Variants in DOP1A observed in about 807,000 individuals in gnomAD.
DOP1A encodes DOP1 leucine zipper like protein A, also known as protein DOP1A.
A neutral mutation model predicts 267.6 loss-of-function variants in DOP1A; 90 were observed. The ratio of observed to expected loss-of-function variants is 0.34; its 90% CI spans 0.28 to 0.40. DOP1A has a LOEUF of 0.40. Ranked by LOEUF, DOP1A falls within the 10% of genes least tolerant of loss-of-function variation. The probability of loss-of-function intolerance (pLI) is 1.00; values close to 1 mark genes in which losing one functional copy is unlikely to be tolerated. For synonymous variants in DOP1A, 932 were observed against 999.1 expected (o/e 0.93, Z 1.27); for missense variants, 2,437 against 2,900.4 (o/e 0.84, Z 3.67).
At chr6:83,089,916 A>T (rs1770023968) in intron 1 of DOP1A, among the ~76,000 whole-genome samples, 1 of 152,202 alleles carries the variant, frequency 6.6e-6, no homozygotes, top group South Asian at 2.1e-4. Flanking sequence ...AAATATGTGT[A>T]TTAAATATAT....
chr6:83,139,263 GT>G (rs1779259423), intron 21 of DOP1A, 101 bp downstream of exon 21: 2 of 905,934 alleles, frequency 2.2e-6, no homozygotes, highest in Non-Finnish European at 3.4e-6. Context: ...TAAAGTAATG[GT>G]TTTTGGTAGG....
downstream of DOP1A, chr6:83,169,163 C>G (rs1786520426): frequency 6.3e-7 from 1 of 1,586,440 alleles, no homozygotes; most frequent in African/African-American, 1.3e-5. Flanking sequence ...TCTCTTAGTA[C>G]TGCCATTATT....
chr6:83,084,055 A>G lies in DOP1A; in HGVS notation c.-146-12676A>G, dbSNP rs151257168. 3.9e-5 allele frequency among the ~76,000 whole-genome samples: 6 copies of G among 152,316 alleles called. No individual in the cohort carries two copies. In the East Asian group the frequency reaches 1.2e-3, roughly 29 times the overall value. On this transcript the variant is annotated intron_variant, in intron 1 of 38. Transcript: ENST00000349129. ...GCTTCACTGTCACCTTGGCAGATCTATGGGCTTTTAAACCTCTTGTGTCTT... is the reference window on the plus strand; with the variant it reads ...GCTTCACTGTCACCTTGGCAGATCTGTGGGCTTTTAAACCTCTTGTGTCTT...
chr6:83,148,704 C>T (rs1781014182), intron 26 of DOP1A, 55 bp from the exon 27 acceptor site: 1 of 1,186,884 alleles, frequency 8.4e-7, no homozygotes, highest in Admixed American at 2.9e-5. Context: ...GTTCCACAAA[C>T]TAGTAGAAAA....
chr6:83,125,243 G>T, intron 14 of DOP1A, 48 bp downstream of exon 14: 1 of 1,517,642 alleles, frequency 6.6e-7, no homozygotes, highest in Non-Finnish European at 8.9e-7. Context: ...ATTTACTTTT[G>T]TTATATTATA....
In DOP1A at chr6:83,157,455, G is replaced by A; in HGVS notation, c.6741+137G>A. ...AAACCAGTTACTGATGCTTTTTACA[G>A]TTGAAAATAGTAAAACAAGTCAGAT... is the stretch of plus-strand genomic sequence containing the variant. On this transcript the variant is annotated intron_variant, in intron 35 of 38. Transcript: ENST00000349129. 7 of 895,658 alleles carry A rather than the reference G, an allele frequency of 7.8e-6. No individual in the cohort carries two copies. In the South Asian group the frequency reaches 9.0e-5, roughly 12 times the overall value. The allele number at this position is 895,658 out of a possible 1,614,324, so 55.5% of individuals were successfully genotyped here.
At chr6:83,069,271 C>T (rs9444028) in intron 1 of DOP1A, among the ~76,000 whole-genome samples, 4,331 of 152,224 alleles carry the variant, frequency 0.028, 153 homozygotes, top group East Asian at 0.084. Context: ...GCTTACTTTC[C>T]CCAAAGCAGT....
chr6:83,167,570 A>G (rs1583229825), intron 38 of DOP1A: 2 of 1,091,818 alleles, frequency 1.8e-6, no homozygotes, highest in Non-Finnish European at 2.2e-6. Flanking sequence ...GCACAACATA[A>G]AACTTTTATG....
chr6:83,100,963 T>A, intron 4 of DOP1A, 77 bp downstream of exon 4: 1 of 990,532 alleles, frequency 1.0e-6, no homozygotes, highest in Non-Finnish European at 1.3e-6. Context: ...CTTTCTGCAC[T>A]AAAAACTAAA....
intron 20 of DOP1A, 82 bp downstream of exon 20, chr6:83,135,960 A>G: frequency 2.7e-6 from 4 of 1,479,922 alleles, no homozygotes; most frequent in Non-Finnish European, 3.6e-6. Flanking sequence ...AATTGTTGAA[A>G]GAACTGCATG....
intron 35 of DOP1A, among the ~76,000 whole-genome samples, chr6:83,157,805 A>C (rs1783148612): frequency 6.6e-6 from 1 of 152,092 alleles, no homozygotes. Context: ...CAAACGGTAA[A>C]ACCTTCCCAA....
chr6:83,157,868 A>C (rs1783165468), intron 35 of DOP1A, among the ~76,000 whole-genome samples: 1 of 152,148 alleles, frequency 6.6e-6, no homozygotes, highest in South Asian at 2.1e-4. Flanking sequence ...AGTCATCCTT[A>C]TCCTCCTCAG....
At position 83,168,324 on chromosome 6, in the gene DOP1A, AT is replaced by A; in HGVS notation, c.*158del. On this transcript the variant is annotated 3_prime_UTR_variant, in exon 39 of 39. Transcript: ENST00000349129. ...TTTGTATATAAGAGCAAATGTCTGA[AT>A]GTGGCCTGAATCAAGTTTAAATATT... 7.0e-7 allele frequency: 1 copy of A among 1,420,670 alleles called. No homozygotes were observed. Among genetic ancestry groups the A allele is most frequent in the Non-Finnish European group, 9.1e-7 (1 of 1,093,242 alleles). 88.0% of individuals were successfully genotyped at this position (1,420,670 alleles called of 1,614,324 possible). A position where few individuals can be genotyped will look rare whatever the true frequency, so the allele number is the denominator to read the frequency against.
At chr6:83,156,260 T>C (rs1240802392) in intron 34 of DOP1A, among the ~76,000 whole-genome samples, 157 bp downstream of exon 34, 1 of 152,238 alleles carries the variant, frequency 6.6e-6, no homozygotes, top group African/African-American at 2.4e-5. Context: ...TTATCAATGC[T>C]GGCATCTAAA....
intron 24 of DOP1A, among the ~76,000 whole-genome samples, chr6:83,145,123 G>GTATA (rs757358829): frequency 0.012 from 564 of 47,980 alleles, 9 homozygotes; most frequent in African/African-American, 0.026. Context: ...TACATATATT[G>GTATA]TATATATATA....
intron 1 of DOP1A, among the ~76,000 whole-genome samples, chr6:83,086,156 AT>A (rs1220521051): frequency 2.0e-5 from 3 of 152,200 alleles, no homozygotes; most frequent in Admixed American, 2.0e-4. Context: ...AAATCCACGT[AT>A]AATTTTTGAC....
rs960477393 is a variant in DOP1A, at chr6:83,125,566, A to G, written c.1552A>G (p.Thr518Ala). The G allele has an allele frequency of 6.2e-7, 1 of 1,613,712 alleles. No homozygotes were observed. The highest frequency in any genetic ancestry group is 8.5e-7 in the Non-Finnish European group (1 of 1,179,804). The change falls in exon 15 of 39, where the codon ACA becomes GCA. Residue 518 changes from threonine (T) to alanine (A), a missense_variant. By Grantham distance (58) the Thr-to-Ala change is moderately conservative. Coordinates refer to ENST00000349129, the MANE Select transcript of DOP1A (RefSeq NM_015018.4). ...GCTGCTCAGAATGATTTCTGCCTTGACAAGCCATCTCCAGACATTGCACTT... is the reference window on the plus strand; with the variant it reads ...GCTGCTCAGAATGATTTCTGCCTTGGCAAGCCATCTCCAGACATTGCACTT... ...QLLLRMISAL[T>A]SHLQTLHLSE...
chr6:83,119,458 A>ATATATAT (rs1775998490), intron 8 of DOP1A, among the ~76,000 whole-genome samples: 1 of 152,116 alleles, frequency 6.6e-6, no homozygotes, highest in African/African-American at 2.4e-5. Context: ...GCCTAGAGTG[A>ATATATAT]GGGGACATAA....
Position 83,122,980 on chromosome 6 carries a change from T to C in DOP1A, c.1338T>C (p.Cys446=), listed in dbSNP as rs1278460372. ...DYVARWFEEC[C]RRTLHVRLQI... ...TTGCACGCTGGTTTGAAGAATGTTG[T>C]AGGTATGTTAAACTTTCATTCCTTT... Residue 446 remains cysteine, a splice_region_variant and synonymous_variant, in exon 12 of 39, where the codon TGT becomes TGC. Coordinates refer to ENST00000349129, the MANE Select transcript of DOP1A (RefSeq NM_015018.4). The C allele has an allele frequency of 6.3e-7, 1 of 1,580,534 alleles. No individual in the cohort carries two copies. The highest frequency in any genetic ancestry group is 8.6e-7 in the Non-Finnish European group (1 of 1,169,244).
Sources: allele counts gnomAD v4.1 joint callset (sites outside exome capture counted in the v4.1 genomes callset), GRCh38; gene constraint gnomAD v4.1.1; transcripts MANE v1.5; gene names NCBI Gene and HGNC (gene_info 2026-07-23, HGNC 2026-07-21).